Variants in VPS26A observed in about 807,000 individuals in gnomAD.
VPS26A encodes vacuolar protein sorting-associated protein 26A.
Under a neutral mutation model 42.4 loss-of-function variants are expected in VPS26A, and 22 were observed. The observed-to-expected ratio is 0.52, with a 90% CI of 0.37 to 0.74. The LOEUF is 0.74. VPS26A is among the 30% of genes least tolerant of loss of function. The pLI is 0.00. For synonymous variants in VPS26A, 110 were observed against 123.5 expected, an observed-to-expected ratio of 0.89 and a Z score of 0.73; for missense variants, 276 against 379.2, an observed-to-expected ratio of 0.73 and a Z score of 2.26.
chr10:69,164,384 A>C (rs1841638955), intron 6 of VPS26A, among the ~76,000 whole-genome samples: 1 of 151,886 alleles, frequency 6.6e-6, no homozygotes, highest in Non-Finnish European at 1.5e-5. Flanking sequence ...CACCCAGCTA[A>C]TTTTTTATTT....
intron 2 of VPS26A, among the ~76,000 whole-genome samples, chr10:69,143,708 A>T (rs1293075487): frequency 6.6e-6 from 1 of 151,984 alleles, no homozygotes; most frequent in African/African-American, 2.4e-5. Context: ...GCTTTCTTTT[A>T]GTTTTCAAAT....
At chr10:69,126,565 CAAAAAAAA>C (rs60734904) in intron 1 of VPS26A, among the ~76,000 whole-genome samples, 6 of 135,756 alleles carry the variant, frequency 4.4e-5, no homozygotes, top group African/African-American at 9.2e-5. Flanking sequence ...GACTCCGTCT[CAAAAAAAA>C]AAAAAAAAAA....
intron 2 of VPS26A, among the ~76,000 whole-genome samples, chr10:69,140,465 C>T (rs1483324132): frequency 1.3e-5 from 2 of 152,124 alleles, no homozygotes; most frequent in East Asian, 3.9e-4. Context: ...CTCCGTCTCC[C>T]AGGCTAAAGC....
At chr10:69,133,926 A>G (rs1192362395) in intron 2 of VPS26A, among the ~76,000 whole-genome samples, 7 of 151,950 alleles carry the variant, frequency 4.6e-5, no homozygotes, top group African/African-American at 1.5e-4. Context: ...GGCTCAAGCA[A>G]CCCACCCACG....
Position 69,151,276 on chromosome 10 carries a change from A to AAAAAAAAAAAAAAAC in VPS26A, c.154-4529_154-4528insAAAAAAACAAAAAAA, listed in dbSNP as rs1554854511. ...TGAGACTCCATGTCAAAAAAAAAAA[A>AAAAAAAAAAAAAAAC]AAAAAAACACACACACACACACAAT... On this transcript the variant is annotated intron_variant, in intron 2 of 8. Coordinates refer to ENST00000263559, the MANE Select transcript of VPS26A (RefSeq NM_004896.5). Among the ~76,000 whole-genome samples, 519 of 69,048 alleles carry AAAAAAAAAAAAAAAC rather than the reference A, an allele frequency of 7.5e-3. 19 individuals carry two copies. Among genetic ancestry groups the AAAAAAAAAAAAAAAC allele is most frequent in the African/African-American group, 0.019 (483 of 25,102 alleles). The allele number at this position is 69,048 out of a possible 152,430, so 45.3% of individuals were successfully genotyped here.
intron 1 of VPS26A, 142 bp from the exon 2 acceptor site, chr10:69,132,756 T>G: frequency 1.1e-6 from 1 of 872,422 alleles, no homozygotes; most frequent in Non-Finnish European, 1.7e-6. Flanking sequence ...GATGTAGCAT[T>G]TGATATATGT....
chr10:69,150,662 G>T (rs2132217541), intron 2 of VPS26A, among the ~76,000 whole-genome samples: 1 of 152,130 alleles, frequency 6.6e-6, no homozygotes, highest in African/African-American at 2.4e-5. Context: ...CTCCCAAAGT[G>T]CTGGGATTAC....
intron 5 of VPS26A, among the ~76,000 whole-genome samples, chr10:69,160,449 C>T (rs1841532065): frequency 1.3e-5 from 2 of 150,938 alleles, no homozygotes; most frequent in South Asian, 2.1e-4. Context: ...TGAGCCACCG[C>T]GCCCAACATA....
chr10:69,164,932 GT>G (rs71487441), intron 6 of VPS26A, among the ~76,000 whole-genome samples: 54 of 141,322 alleles, frequency 3.8e-4, no homozygotes, highest in Non-Finnish European at 4.6e-4. Flanking sequence ...ATTGTTGGGT[GT>G]TTTTTTTTTT....
rs1254858569 is a variant in VPS26A, at chr10:69,172,829, C to A, written c.*1560C>A. The A allele has an allele frequency of 6.6e-6, 1 of 152,498 alleles. No individual in the cohort carries two copies. 9.4% of individuals were successfully genotyped at this position (152,498 alleles called of 1,614,324 possible). On this transcript the variant is annotated 3_prime_UTR_variant, in exon 9 of 9. Transcript: ENST00000263559. ...ATTTAACCAGCCTCAAATTGTGCAACCATGATGTATAATAAAGAATTTGAA... is the reference window on the plus strand; with the variant it reads ...ATTTAACCAGCCTCAAATTGTGCAAACATGATGTATAATAAAGAATTTGAA...
chr10:69,125,215 G>C (rs1198862844), intron 1 of VPS26A, among the ~76,000 whole-genome samples: 1 of 152,110 alleles, frequency 6.6e-6, no homozygotes, highest in Non-Finnish European at 1.5e-5. Context: ...GCCGAGCCAG[G>C]TATATTTTTA....
chr10:69,132,072 G>T (rs1840791491), intron 1 of VPS26A, among the ~76,000 whole-genome samples: 1 of 152,152 alleles, frequency 6.6e-6, no homozygotes, highest in African/African-American at 2.4e-5. Context: ...CTTTCACAGT[G>T]TAACATATCC....
intron 6 of VPS26A, among the ~76,000 whole-genome samples, chr10:69,164,371 C>T (rs1841638574): frequency 6.6e-6 from 1 of 152,070 alleles, no homozygotes; most frequent in African/African-American, 2.4e-5. Flanking sequence ...GCACATGCCA[C>T]CACACCCAGC....
intron 2 of VPS26A, among the ~76,000 whole-genome samples, chr10:69,154,337 G>A (rs1841383041): frequency 6.6e-6 from 1 of 152,102 alleles, no homozygotes; most frequent in South Asian, 2.1e-4. Context: ...AGGAGTTTGA[G>A]ACCAGCCTGA....
At chr10:69,169,631 CAG>C (rs1301120074) in intron 8 of VPS26A, among the ~76,000 whole-genome samples, 2 of 147,818 alleles carry the variant, frequency 1.4e-5, no homozygotes, top group African/African-American at 5.0e-5. Context: ...TTTTTTGAGA[CAG>C]AGTCTCGCTC....
chr10:69,138,098 T>A (rs569148669), intron 2 of VPS26A, among the ~76,000 whole-genome samples: 5 of 152,318 alleles, frequency 3.3e-5, no homozygotes, highest in Non-Finnish European at 1.5e-5. Context: ...ACATTTCATA[T>A]AAATGGAATT....
At chr10:69,160,691 A>G (rs1841541042) in intron 5 of VPS26A, among the ~76,000 whole-genome samples, 1 of 152,162 alleles carries the variant, frequency 6.6e-6, no homozygotes, top group Non-Finnish European at 1.5e-5. Context: ...ACCTCAGGTG[A>G]TCTGCCCGCC....
At chr10:69,149,756 TTTTTTTTTG>T (rs1841256419) in intron 2 of VPS26A, among the ~76,000 whole-genome samples, 1 of 99,754 alleles carries the variant, frequency 1.0e-5, no homozygotes, top group African/African-American at 3.5e-5. Flanking sequence ...TTTTTTTTTT[TTTTTTTTTG>T]AGATGGAGTC....
intron 2 of VPS26A, among the ~76,000 whole-genome samples, chr10:69,140,582 A>G (rs1487423310): frequency 6.7e-6 from 1 of 149,176 alleles, no homozygotes; most frequent in African/African-American, 2.5e-5. Flanking sequence ...ACGGGGTTTC[A>G]CCGTGTTGCC....
Sources: gnomAD v4.1 joint callset for allele counts (sites outside exome capture counted in the v4.1 genomes callset) on GRCh38, gnomAD v4.1.1 for gene constraint, MANE v1.5 for transcripts, NCBI Gene and HGNC (gene_info 2026-07-23, HGNC 2026-07-21) for gene names.